Variants in GRM7 observed in about 807,000 individuals in gnomAD.
GRM7 encodes the protein metabotropic glutamate receptor 7.
A neutral mutation model predicts 84.5 loss-of-function variants in GRM7; 35 were observed. That is an observed-to-expected ratio of 0.41 (90% confidence interval 0.32 to 0.55). GRM7 has a LOEUF of 0.55. Among genes scored for constraint, GRM7 ranks in the 20% least tolerant of loss-of-function variants. The probability of loss-of-function intolerance (pLI) is 0.19; values close to 1 mark genes in which losing one functional copy is unlikely to be tolerated. For missense variants in GRM7, 1,003 were observed against 1,194.6 expected (o/e 0.84, Z 2.36); for synonymous variants, 487 against 455.1 (o/e 1.07, Z -0.89).
chr3:7,469,626 G>C (rs554128351), intron 7 of GRM7, among the ~76,000 whole-genome samples: 1 of 152,050 alleles, frequency 6.6e-6, no homozygotes, highest in South Asian at 2.1e-4. Flanking sequence ...AAACAGGAAA[G>C]GACTTAGGAT....
intron 9 of GRM7, among the ~76,000 whole-genome samples, chr3:7,702,363 G>A (rs1313702383): frequency 1.3e-5 from 2 of 152,142 alleles, no homozygotes; most frequent in African/African-American, 4.8e-5. Context: ...GCACAGTCTG[G>A]ATAATGTAGA....
intron 1 of GRM7, among the ~76,000 whole-genome samples, chr3:7,034,137 G>A (rs1459582084): frequency 6.6e-6 from 1 of 151,964 alleles, no homozygotes; most frequent in African/African-American, 2.4e-5. Flanking sequence ...ATATCCTCTG[G>A]GTAAAATTAT....
chr3:7,337,771 A>G (rs1026965983), intron 4 of GRM7, among the ~76,000 whole-genome samples: 2 of 152,034 alleles, frequency 1.3e-5, no homozygotes, highest in Non-Finnish European at 1.5e-5. Context: ...ATTGACATGG[A>G]TTTGGTGAAA....
In GRM7 at chr3:6,862,891, A is replaced by T. The variant is rs536158185; in HGVS notation, c.519+984A>T. The T allele has an allele frequency of 4.8e-6, 2 of 412,796 alleles. No homozygotes were observed. The highest frequency in any genetic ancestry group is 5.5e-5 in the Admixed American group (2 of 36,250). The allele number at this position is 412,796 out of a possible 1,614,324, so 25.6% of individuals were successfully genotyped here. On this transcript the variant is annotated intron_variant, in intron 1 of 9. Coordinates refer to ENST00000357716, the MANE Select transcript of GRM7 (RefSeq NM_000844.4). The surrounding 1 kb of genome is among the most constrained non-coding windows in gnomAD (Gnocchi z 5.2). The stretch of plus-strand genomic sequence containing the variant: ...GCTCCGGTGCCGGAGGGAGACGGAG[A>T]AAAAATGGGAGGAAGGCGGATCCGG...
intron 8 of GRM7, among the ~76,000 whole-genome samples, chr3:7,624,094 A>G (rs1479009262): frequency 3.9e-5 from 6 of 152,192 alleles, no homozygotes; most frequent in African/African-American, 1.4e-4. Flanking sequence ...TATAATATAC[A>G]GGAACTAATT....
chr3:7,706,590 C>G (rs1701396223), intron 9 of GRM7, among the ~76,000 whole-genome samples: 1 of 152,134 alleles, frequency 6.6e-6, no homozygotes, highest in South Asian at 2.1e-4. Flanking sequence ...GTGCATGGGA[C>G]AGGGTCCAAG....
intron 2 of GRM7, among the ~76,000 whole-genome samples, chr3:7,223,560 G>T (rs1696880733): frequency 6.6e-6 from 1 of 151,296 alleles, no homozygotes; most frequent in African/African-American, 2.4e-5. Context: ...TGAATTATAT[G>T]TTCTCATCTT....
chr3:7,009,420 C>A (rs934456302), intron 1 of GRM7, among the ~76,000 whole-genome samples: 1 of 152,158 alleles, frequency 6.6e-6, no homozygotes, highest in Non-Finnish European at 1.5e-5. Flanking sequence ...CCCAAGGTCG[C>A]ACAGCTGGTG....
intron 8 of GRM7, chr3:7,591,391 A>C: frequency 2.4e-6 from 1 of 415,892 alleles, no homozygotes; most frequent in Admixed American, 2.9e-5. Flanking sequence ...GATGGTAAGG[A>C]TGTGGGAAAA....
rs570006409 is a variant in GRM7, at chr3:7,340,798, G to T, written c.1033+34146G>T. Among the ~76,000 whole-genome samples the T allele has an allele frequency of 3.3e-5, 5 of 152,240 alleles. No individual in the cohort carries two copies. In the East Asian group the frequency reaches 9.7e-4, roughly 29 times the overall value. Reference sequence around the variant, plus strand: ...TTAGTAATTGCAAATCTCTGACCAGGAGCCTTAAGTGAAATCAATGTTCTG... The same window carrying T: ...TTAGTAATTGCAAATCTCTGACCAGTAGCCTTAAGTGAAATCAATGTTCTG... On this transcript the variant is annotated intron_variant, in intron 4 of 9. Coordinates refer to ENST00000357716, the MANE Select transcript of GRM7 (RefSeq NM_000844.4).
chr3:7,384,028 T>C (rs573128330), intron 4 of GRM7, among the ~76,000 whole-genome samples: 3 of 152,082 alleles, frequency 2.0e-5, no homozygotes, highest in East Asian at 1.9e-4. Flanking sequence ...ATAATACATG[T>C]ATTTATTTCT....
chr3:7,285,802 T>G (rs1336334808), intron 2 of GRM7, among the ~76,000 whole-genome samples: 1 of 152,140 alleles, frequency 6.6e-6, no homozygotes, highest in African/African-American at 2.4e-5. Flanking sequence ...GCCTTTCCAC[T>G]GTTCTACTTA....
chr3:7,709,742 C>T lies in GRM7; in HGVS notation c.2698+29447C>T, dbSNP rs148621910. ...AATAAACACAGCCCAAAACTCCTTG[C>T]ATTGGTTTGGAAGAACTTGTGTTTC... On this transcript the variant is annotated intron_variant, in intron 9 of 9. Transcript: ENST00000357716. Among the ~76,000 whole-genome samples the T allele has an allele frequency of 9.4e-4, 143 of 152,282 alleles. 1 individual carries two copies. The highest frequency in any genetic ancestry group is 1.7e-3 in the Non-Finnish European group (115 of 68,024).
At chr3:7,080,691 T>C (rs1275663024) in intron 1 of GRM7, among the ~76,000 whole-genome samples, 1 of 140,710 alleles carries the variant, frequency 7.1e-6, no homozygotes, top group Non-Finnish European at 1.5e-5. Flanking sequence ...TATTTGTATA[T>C]ATATATACAA....
intron 4 of GRM7, among the ~76,000 whole-genome samples, chr3:7,377,479 G>A (rs1694401701): frequency 6.6e-6 from 1 of 152,172 alleles, no homozygotes; most frequent in Non-Finnish European, 1.5e-5. Context: ...GGTGCTTACG[G>A]GATATCAGTG....
intron 2 of GRM7, among the ~76,000 whole-genome samples, chr3:7,158,020 G>A (rs1418546528): frequency 6.6e-6 from 1 of 152,146 alleles, no homozygotes; most frequent in Admixed American, 6.5e-5. Flanking sequence ...CTGTGTGGGA[G>A]AGCATTGCAG....
intron 7 of GRM7, among the ~76,000 whole-genome samples, chr3:7,569,238 G>T (rs971742664): frequency 1.4e-4 from 22 of 152,056 alleles, no homozygotes; most frequent in Non-Finnish European, 2.9e-4. Context: ...GTGGGGACTT[G>T]GAGAACCTTT....
chr3:7,262,183 G>T (rs1698456019), intron 2 of GRM7, among the ~76,000 whole-genome samples: 1 of 151,442 alleles, frequency 6.6e-6, no homozygotes, highest in South Asian at 2.1e-4. Flanking sequence ...TGTTGGGAAA[G>T]TTCTCATGAA....
At position 6,863,321 on chromosome 3, in the gene GRM7, T is replaced by C. The variant is rs1297081958; in HGVS notation, c.519+1414T>C. Among the ~76,000 whole-genome samples the C allele has an allele frequency of 1.3e-5, 2 of 152,166 alleles. No individual in the cohort carries two copies. Among genetic ancestry groups the C allele is most frequent in the Non-Finnish European group, 2.9e-5 (2 of 68,036 alleles). ...ATGTACACGCTGATCCTGGCACCTT[T>C]ATGCTCCTCATATCTAGAGAACCGG... is the stretch of plus-strand genomic sequence containing the variant. On this transcript the variant is annotated intron_variant, in intron 1 of 9. Coordinates refer to ENST00000357716, the MANE Select transcript of GRM7 (RefSeq NM_000844.4). The surrounding 1 kb of genome is among the most constrained non-coding windows in gnomAD (Gnocchi z 4.8).
Sources: gnomAD v4.1 joint callset for allele counts (sites outside exome capture counted in the v4.1 genomes callset) on GRCh38, gnomAD v4.1.1 for gene constraint, Gnocchi (gnomAD v3.1) non-coding constraint, MANE v1.5 for transcripts, NCBI Gene and HGNC (gene_info 2026-07-23, HGNC 2026-07-21) for gene names.